The following IGF1R variants were observed in gnomAD, a reference collection of about 807,000 sequenced individuals.
The protein encoded by IGF1R is insulin like growth factor 1 receptor, also known as insulin-like growth factor 1 receptor.
Under a neutral mutation model 144.6 loss-of-function variants are expected in IGF1R, and 44 were observed. That is an observed-to-expected ratio of 0.30 (90% CI 0.24 to 0.39). The LOEUF is 0.39. Ranked by LOEUF, IGF1R falls within the 10% of genes least tolerant of loss-of-function variation. IGF1R has a pLI of 1.00. For synonymous variants in IGF1R, 795 were observed against 722.8 expected (o/e 1.10, Z -1.60); for missense variants, 1,355 against 1,833.7 (o/e 0.74, Z 4.77).
chr15:98,828,555 T>G (rs993116497), intron 2 of IGF1R, among the ~76,000 whole-genome samples: 9 of 152,106 alleles, frequency 5.9e-5, no homozygotes, highest in African/African-American at 1.4e-4. Flanking sequence ...GTCAGAATGT[T>G]TTCAGAGGAG....
chr15:98,914,283 G>A (rs2684809), intron 8 of IGF1R, among the ~76,000 whole-genome samples: 151,940 of 152,392 alleles, frequency 1, 75,747 homozygotes, highest in Middle Eastern at 1. Flanking sequence ...GGGGACACAG[G>A]CATTCACTCT....
intron 2 of IGF1R, among the ~76,000 whole-genome samples, chr15:98,788,084 G>GTT: frequency 6.6e-6 from 1 of 151,208 alleles, no homozygotes; most frequent in Non-Finnish European, 1.5e-5. Flanking sequence ...GTGTGTGTGT[G>GTT]TGTGTGTGTA....
intron 15 of IGF1R, among the ~76,000 whole-genome samples, chr15:98,930,737 C>CT (rs964359180): frequency 3.1e-4 from 46 of 148,438 alleles, no homozygotes; most frequent in African/African-American, 5.4e-4. Context: ...TACAGCTCTG[C>CT]TTTTTTTTTT....
chr15:98,882,004 C>G (rs1348763260), intron 2 of IGF1R, among the ~76,000 whole-genome samples: 1 of 152,168 alleles, frequency 6.6e-6, no homozygotes, highest in African/African-American at 2.4e-5. Context: ...CCTGGAACTT[C>G]AGGTGACTAG....
At chr15:98,719,895 G>A (rs1217937481) in intron 2 of IGF1R, among the ~76,000 whole-genome samples, 1 of 152,238 alleles carries the variant, frequency 6.6e-6, no homozygotes, top group South Asian at 2.1e-4. Flanking sequence ...GAAATACTCA[G>A]TGTAGAATAA....
At chr15:98,837,305 C>G (rs977036710) in intron 2 of IGF1R, among the ~76,000 whole-genome samples, 1 of 152,152 alleles carries the variant, frequency 6.6e-6, no homozygotes, top group Non-Finnish European at 1.5e-5. Flanking sequence ...GTGGCGCAAT[C>G]TCGGCTCACT....
intron 1 of IGF1R, among the ~76,000 whole-genome samples, chr15:98,669,478 A>C (rs1262001092): frequency 1.3e-5 from 2 of 152,144 alleles, no homozygotes; most frequent in Non-Finnish European, 2.9e-5. Context: ...TGGCTTTGTT[A>C]GAACGTTGCC....
chr15:98,917,015 A>T (rs2015284571), intron 10 of IGF1R, 139 bp downstream of exon 10: 1 of 772,122 alleles, frequency 1.3e-6, no homozygotes, highest in South Asian at 1.5e-5. Context: ...GCCGAAAAAG[A>T]TGACAGGTTC....
At chr15:98,933,654 TAAACAG>T (rs1018923123) in intron 15 of IGF1R, among the ~76,000 whole-genome samples, 1 of 152,240 alleles carries the variant, frequency 6.6e-6, no homozygotes. Context: ...AGATCGAATC[TAAACAG>T]AAACAGAAAC....
Position 98,813,972 on chromosome 15 carries a change from G to A in IGF1R, c.641-77353G>A, listed in dbSNP as rs1019606421. On this transcript the variant is annotated intron_variant, in intron 2 of 20. Transcript: ENST00000650285. ...GCTTAATCCAGTAGAGATGAGGTCC[G>A]GAATAGGTTCTGGCCTACCTCAGTT... Among the ~76,000 whole-genome samples the A allele has an allele frequency of 4.2e-4, 64 of 152,270 alleles. 1 individual carries two copies. Among genetic ancestry groups the A allele is most frequent in the Middle Eastern group, 3.4e-3 (1 of 294 alleles).
intron 2 of IGF1R, among the ~76,000 whole-genome samples, chr15:98,753,230 CT>C (rs35184573): frequency 0.074 from 10,632 of 143,834 alleles, 574 homozygotes; most frequent in African/African-American, 0.16. Context: ...TACGTCCAGC[CT>C]TTTTTTTTTT....
chr15:98,846,650 A>G (rs547717471), intron 2 of IGF1R, among the ~76,000 whole-genome samples: 43 of 152,316 alleles, frequency 2.8e-4, no homozygotes, highest in African/African-American at 1.0e-3. Flanking sequence ...TAGGTGACAC[A>G]GTGGAGAACA....
chr15:98,751,603 A>T (rs2055013528), intron 2 of IGF1R, among the ~76,000 whole-genome samples: 2 of 152,216 alleles, frequency 1.3e-5, no homozygotes, highest in African/African-American at 4.8e-5. Context: ...GGCTGCAGCA[A>T]ACTCTGTTGT....
intron 2 of IGF1R, among the ~76,000 whole-genome samples, chr15:98,873,501 G>A (rs908707507): frequency 7.2e-5 from 11 of 152,312 alleles, no homozygotes; most frequent in South Asian, 4.1e-4. Flanking sequence ...ATTCTGCAGA[G>A]GGCAGTCATG....
chr15:98,799,908 A>G lies in IGF1R; in HGVS notation c.641-91417A>G, dbSNP rs190111447. On this transcript the variant is annotated intron_variant, in intron 2 of 20. Coordinates refer to ENST00000650285, the MANE Select transcript of IGF1R (RefSeq NM_000875.5). ...GTCTCTGGAGAGAATTTATGTATCA[A>G]TTCACCGGAAGACTGCTCTGGTATT... Among the ~76,000 whole-genome samples the G allele has an allele frequency of 1.7e-4, 26 of 152,320 alleles. No individual in the cohort carries two copies. The East Asian group carries it at 4.4e-3, about 26-fold the overall frequency.
rs1228638644 is a variant in IGF1R, at chr15:98,934,994, G to C, written c.3127G>C (p.Glu1043Gln). ...AGTGAACGAGGCCGCAAGCATGCGT[G>C]AGAGGATTGAGTTTCTCAACGAAGC... ...KTVNEAASMR[E>Q]RIEFLNEASV... The change falls in exon 16 of 21, where the codon GAG (glutamate) becomes CAG (glutamine). Residue 1043 changes from glutamate to glutamine, a missense_variant. Glu to Gln is a conservative substitution (Grantham distance 29). Coordinates refer to ENST00000650285, the MANE Select transcript of IGF1R (RefSeq NM_000875.5). 1 of 1,614,040 alleles carries C rather than the reference G, an allele frequency of 6.2e-7. No individual in the cohort carries two copies. Among genetic ancestry groups the C allele is most frequent in the African/African-American group, 1.3e-5 (1 of 74,908 alleles).
chr15:98,749,546 C>T (rs2054953735), intron 2 of IGF1R, among the ~76,000 whole-genome samples: 1 of 152,158 alleles, frequency 6.6e-6, no homozygotes, highest in African/African-American at 2.4e-5. Flanking sequence ...TCTAAGTTTC[C>T]ATTAGCTATC....
intron 2 of IGF1R, among the ~76,000 whole-genome samples, chr15:98,779,275 A>G (rs1386061076): frequency 1.3e-5 from 2 of 152,230 alleles, no homozygotes; most frequent in African/African-American, 4.8e-5. Context: ...CTCATGTTTC[A>G]TGATGACTTT....
rs1161811268 is a variant in IGF1R at position 98,707,877 on chromosome 15, C to T, written c.410C>T (p.Thr137Ile). ...DIGLYNLRNI[T>I]RGAIRIEKNA... ...GGGCTTTACAACCTGAGGAACATTA[C>T]TCGGGGGGCCATCAGGATTGAGAAA... The change falls in exon 2 of 21, where the codon ACT becomes ATT. Residue 137 changes from threonine to isoleucine, a missense_variant. Physicochemically the swap from Thr to Ile is moderately conservative, Grantham distance 89. Transcript: ENST00000650285. The surrounding 1 kb of genome is among the most constrained non-coding windows in gnomAD (Gnocchi z 6.7). 1 of 1,614,058 alleles carries T rather than the reference C, an allele frequency of 6.2e-7. No individual in the cohort carries two copies. The highest frequency in any genetic ancestry group is 1.3e-5 in the African/African-American group (1 of 74,914).
Sources: allele counts gnomAD v4.1 joint callset (sites outside exome capture counted in the v4.1 genomes callset), GRCh38; gene constraint gnomAD v4.1.1; non-coding constraint Gnocchi (gnomAD v3.1); transcripts MANE v1.5; gene names NCBI Gene and HGNC (gene_info 2026-07-23, HGNC 2026-07-21).